Variants in STK32A observed in about 807,000 individuals in gnomAD.
The protein encoded by STK32A is serine/threonine-protein kinase 32A.
Under a neutral mutation model 53.2 loss-of-function variants are expected in STK32A, and 41 were observed. The observed-to-expected ratio is 0.77, with a 90% CI of 0.60 to 1.00. The LOEUF (loss-of-function observed/expected upper bound fraction) is 1.00, where lower values mean the gene tolerates loss of function less well. Ranked by LOEUF, STK32A falls within the 50% of genes least tolerant of loss-of-function variation. STK32A has a pLI of 0.00. For synonymous variants in STK32A, 166 were observed against 162.8 expected, an observed-to-expected ratio of 1.02 and a Z score of -0.15; for missense variants, 458 against 485.8, an observed-to-expected ratio of 0.94 and a Z score of 0.54.
At chr5:147,301,296 T>C (rs1306782580) in intron 4 of STK32A, among the ~76,000 whole-genome samples, 1 of 37,770 alleles carries the variant, frequency 2.6e-5, no homozygotes, top group African/African-American at 3.5e-4. Flanking sequence ...TTCACTAATG[T>C]ATTTTTTTTT....
intron 7 of STK32A, among the ~76,000 whole-genome samples, chr5:147,354,333 A>G (rs1756122491): frequency 6.6e-6 from 1 of 152,220 alleles, no homozygotes. Flanking sequence ...TTGGAACCAA[A>G]TCAGAAAATG....
chr5:147,250,011 T>A (rs1008922187), intron 2 of STK32A, among the ~76,000 whole-genome samples: 7 of 151,906 alleles, frequency 4.6e-5, no homozygotes, highest in Admixed American at 2.0e-4. Flanking sequence ...AGCTGAGAGT[T>A]TATTCAACAT....
intron 2 of STK32A, among the ~76,000 whole-genome samples, chr5:147,241,049 T>G (rs538123749): frequency 6.6e-6 from 1 of 152,330 alleles, no homozygotes; most frequent in Admixed American, 6.5e-5. Flanking sequence ...GCCATGAACC[T>G]TCTAAAAATA....
intron 7 of STK32A, among the ~76,000 whole-genome samples, chr5:147,358,996 A>G (rs1756378861): frequency 6.6e-6 from 1 of 152,196 alleles, no homozygotes; most frequent in African/African-American, 2.4e-5. Flanking sequence ...CTTGACCTGT[A>G]TCATGTTTAT....
intron 6 of STK32A, among the ~76,000 whole-genome samples, chr5:147,347,142 A>G (rs1272795988): frequency 6.6e-6 from 1 of 152,182 alleles, no homozygotes; most frequent in African/African-American, 2.4e-5. Context: ...AAAAGTTGGG[A>G]GCAGTGCCAA....
At position 147,383,427 on chromosome 5, in the gene STK32A, C is replaced by T. The variant is rs371544782; in HGVS notation, c.1033-14C>T. On this transcript the variant is annotated splice_polypyrimidine_tract_variant and intron_variant, in intron 11 of 12. Coordinates refer to ENST00000397936, the MANE Select transcript of STK32A (RefSeq NM_001112724.2). ...TAACTATACCTCTATTTTTTTTCTA[C>T]GTTCACCTGGAAGACATGTCTTCTT... 1.1e-4 allele frequency: 178 copies of T among 1,584,438 alleles called. 1 individual carries two copies. The highest frequency in any genetic ancestry group is 1.0e-3 in the Middle Eastern group (6 of 6,022).
At chr5:147,239,869 T>C (rs1463387229) in intron 2 of STK32A, 183 bp downstream of exon 2, 4 of 572,832 alleles carry the variant, frequency 7.0e-6, no homozygotes, top group East Asian at 3.0e-5. Context: ...CCACTTTCCA[T>C]GGGACCTTTG....
chr5:147,249,503 G>T (rs1753889811), intron 2 of STK32A, among the ~76,000 whole-genome samples: 1 of 152,054 alleles, frequency 6.6e-6, no homozygotes, highest in African/African-American at 2.4e-5. Context: ...GTTTTCTGGG[G>T]GGTGGGAGGC....
At chr5:147,296,457 C>G (rs1752871384) in intron 4 of STK32A, among the ~76,000 whole-genome samples, 1 of 151,712 alleles carries the variant, frequency 6.6e-6, no homozygotes, top group Admixed American at 6.6e-5. Context: ...AGCCTGCCGG[C>G]ACTTGGGAGA....
chr5:147,276,601 G>A (rs1339619009), intron 2 of STK32A, among the ~76,000 whole-genome samples: 1 of 152,110 alleles, frequency 6.6e-6, no homozygotes, highest in African/African-American at 2.4e-5. Flanking sequence ...ACTGCAAAGA[G>A]TTATGCCTTC....
chr5:147,239,845 C>A, intron 2 of STK32A, 159 bp downstream of exon 2: 2 of 600,506 alleles, frequency 3.3e-6, no homozygotes. Flanking sequence ...AGGCTCATAG[C>A]TAGGTTTTAC....
chr5:147,391,719 C>T (rs995720042), downstream of STK32A: 16 of 152,140 alleles, frequency 1.1e-4, no homozygotes, highest in African/African-American at 3.9e-4. Flanking sequence ...TCTCGCAATT[C>T]CCAGGGATTT....
intron 2 of STK32A, among the ~76,000 whole-genome samples, chr5:147,263,861 T>C (rs927995335): frequency 6.6e-6 from 1 of 152,188 alleles, no homozygotes; most frequent in Non-Finnish European, 1.5e-5. Flanking sequence ...TAAAGGAGCC[T>C]ATTAAATGCC....
chr5:147,335,791 A>ATG lies in STK32A; in HGVS notation c.435-7202_435-7201dup, dbSNP rs145766665. Among the ~76,000 whole-genome samples, 34 of 151,882 alleles carry ATG rather than the reference A, an allele frequency of 2.2e-4. 1 individual carries two copies. Among genetic ancestry groups the ATG allele is most frequent in the African/African-American group, 6.0e-4 (25 of 41,456 alleles). ...CACACAAAATACAGTGTGTGTGTGT[A>ATG]TGTGTGTGTGTGTGCGCGCGTGCAT... On this transcript the variant is annotated intron_variant, in intron 5 of 12. Coordinates refer to ENST00000397936, the MANE Select transcript of STK32A (RefSeq NM_001112724.2).
Position 147,383,949 on chromosome 5 carries a change from C to T in STK32A, c.1157C>T (p.Pro386Leu). 1 of 1,609,336 alleles carries T rather than the reference C, an allele frequency of 6.2e-7. No homozygotes were observed. The highest frequency in any genetic ancestry group is 8.5e-7 in the Non-Finnish European group (1 of 1,178,504). The change falls in exon 13 of 13, where the codon CCA becomes CTA. Residue 386 changes from proline to leucine, a missense_variant. Transcript: ENST00000397936. Reference protein sequence around the residue: ...PNLALEQTKDPQGEDGQNNNL With the variant: ...PNLALEQTKDLQGEDGQNNNL ...CTAGCCTTGGAACAAACCAAAGACCCACAAGGTGAGGATGGTCAGAATAAC... is the reference window on the plus strand; with the variant it reads ...CTAGCCTTGGAACAAACCAAAGACCTACAAGGTGAGGATGGTCAGAATAAC...
intron 7 of STK32A, among the ~76,000 whole-genome samples, chr5:147,360,463 A>G (rs1465381014): frequency 2.8e-5 from 4 of 144,442 alleles, no homozygotes; most frequent in East Asian, 4.0e-4. Context: ...AAAAAAAAAA[A>G]AAAAGAAAAA....
chr5:147,353,300 T>C (rs1443936347), intron 7 of STK32A, among the ~76,000 whole-genome samples: 1 of 152,196 alleles, frequency 6.6e-6, no homozygotes, highest in Non-Finnish European at 1.5e-5. Flanking sequence ...AGAATAGTTT[T>C]AAAATTCACA....
chr5:147,284,624 T>G (rs957139653), intron 4 of STK32A, among the ~76,000 whole-genome samples: 2 of 146,570 alleles, frequency 1.4e-5, no homozygotes, highest in Admixed American at 1.4e-4. Flanking sequence ...AGCAACCAAG[T>G]AGAGAACCAA....
intron 2 of STK32A, among the ~76,000 whole-genome samples, chr5:147,255,214 A>T (rs571901958): frequency 6.6e-6 from 1 of 152,334 alleles, no homozygotes; most frequent in Non-Finnish European, 1.5e-5. Flanking sequence ...TTTAGAACTC[A>T]TATCTAACAA....
Sources: allele counts gnomAD v4.1 joint callset (sites outside exome capture counted in the v4.1 genomes callset), GRCh38; gene constraint gnomAD v4.1.1; transcripts MANE v1.5; gene names NCBI Gene and HGNC (gene_info 2026-07-23, HGNC 2026-07-21).